The following CDK6 variants were observed in gnomAD, a reference collection of about 807,000 sequenced individuals.
CDK6 encodes cyclin dependent kinase 6.
CDK6 carries 6 observed loss-of-function variants against 37.1 expected under a neutral mutation model. That is an observed-to-expected ratio of 0.16 (90% confidence interval 0.09 to 0.32). The LOEUF (loss-of-function observed/expected upper bound fraction) is 0.32. CDK6 is among the 10% of genes least tolerant of loss of function. The pLI is 1.00. For synonymous variants in CDK6, 160 were observed against 161.3 expected, an observed-to-expected ratio of 0.99 and a Z score of 0.06; for missense variants, 224 against 418.9, an observed-to-expected ratio of 0.53 and a Z score of 4.06.
At chr7:92,645,215 G>A (rs1334913460) in intron 5 of CDK6, among the ~76,000 whole-genome samples, 1 of 152,170 alleles carries the variant, frequency 6.6e-6, no homozygotes, top group Non-Finnish European at 1.5e-5. Flanking sequence ...ACAGCTCCCA[G>A]GCTTTTAGGA....
At chr7:92,693,499 T>C (rs1485281952) in intron 4 of CDK6, among the ~76,000 whole-genome samples, 1 of 152,248 alleles carries the variant, frequency 6.6e-6, no homozygotes, top group Non-Finnish European at 1.5e-5. Flanking sequence ...ATTTATTCAT[T>C]TATGCTTTAA....
chr7:92,659,612 ACACACACACACACACACACACAC>A (rs1350231680), intron 5 of CDK6, among the ~76,000 whole-genome samples: 1 of 148,238 alleles, frequency 6.7e-6, no homozygotes, highest in Non-Finnish European at 1.5e-5. Context: ...GGCATGACAC[ACACACACACACACACACACACAC>A]CACACACACA....
chr7:92,672,242 C>CACAT lies in CDK6; in HGVS notation c.538-708_538-707insATGT, dbSNP rs1374477819. Among the ~76,000 whole-genome samples, 358 of 116,314 alleles carry CACAT rather than the reference C, an allele frequency of 3.1e-3. 4 individuals carry two copies. The highest frequency in any genetic ancestry group is 7.5e-3 in the African/African-American group (174 of 23,050). The allele number at this position is 116,314 out of a possible 152,430, so 76.3% of individuals were successfully genotyped here. A position where few individuals can be genotyped will look rare whatever the true frequency, so the allele number is the denominator to read the frequency against. ...ACACACACACACACACACACACACACATATATGAAGATGGTGCCAGGGCTG... is the reference window on the plus strand; with the variant it reads ...ACACACACACACACACACACACACACACATATATATGAAGATGGTGCCAGGGCTG... On this transcript the variant is annotated intron_variant, in intron 4 of 7. Transcript: ENST00000424848.
chr7:92,765,780 G>C (rs1799565004), intron 3 of CDK6, among the ~76,000 whole-genome samples: 2 of 152,114 alleles, frequency 1.3e-5, no homozygotes, highest in Non-Finnish European at 2.9e-5. Context: ...AAAAATAAAT[G>C]AGATAATTTC....
At chr7:92,718,764 T>C (rs939876601) in intron 4 of CDK6, among the ~76,000 whole-genome samples, 1 of 152,218 alleles carries the variant, frequency 6.6e-6, no homozygotes, top group Non-Finnish European at 1.5e-5. Flanking sequence ...TTGAGCCTTA[T>C]CATATGGCCT....
chr7:92,726,569 C>T (rs1798517417), intron 3 of CDK6, among the ~76,000 whole-genome samples: 1 of 152,050 alleles, frequency 6.6e-6, no homozygotes, highest in Non-Finnish European at 1.5e-5. Context: ...TGCCACCATG[C>T]TAGGCTAATG....
At chr7:92,739,644 G>A (rs965657094) in intron 3 of CDK6, among the ~76,000 whole-genome samples, 8 of 152,210 alleles carry the variant, frequency 5.3e-5, no homozygotes, top group Admixed American at 4.6e-4. Context: ...CATGGCCCTT[G>A]CCAAGTAGTC....
At position 92,608,360 on chromosome 7, in the gene CDK6, A is replaced by T. The variant is rs909605486; in HGVS notation, c.*6780T>A. The T allele has an allele frequency of 9.5e-5, 22 of 231,900 alleles. No homozygotes were observed. The Middle Eastern group carries it at 3.9e-3, about 41-fold the overall frequency. The allele number at this position is 231,900 out of a possible 1,614,324, so 14.4% of individuals were successfully genotyped here. A position where few individuals can be genotyped will look rare whatever the true frequency, so the allele number is the denominator to read the frequency against. On this transcript the variant is annotated 3_prime_UTR_variant, in exon 8 of 8. Coordinates refer to ENST00000424848, the MANE Select transcript of CDK6 (RefSeq NM_001145306.2). Reference sequence around the variant, plus strand: ...TTTGTTTACATACCTTTAATTACCTAACAAAGAAAAAGAGAGAAAAGAAAC... The same window carrying T: ...TTTGTTTACATACCTTTAATTACCTTACAAAGAAAAAGAGAGAAAAGAAAC...
intron 3 of CDK6, among the ~76,000 whole-genome samples, chr7:92,740,767 C>T (rs540829870): frequency 3.9e-5 from 6 of 152,216 alleles, no homozygotes; most frequent in African/African-American, 4.8e-5. Flanking sequence ...TCTCATGGAG[C>T]GAACAGTGAA....
chr7:92,740,788 C>T (rs897902941), intron 3 of CDK6, among the ~76,000 whole-genome samples: 3 of 152,056 alleles, frequency 2.0e-5, no homozygotes, highest in Non-Finnish European at 1.5e-5. Context: ...GGCGGGAAAC[C>T]GAATTTGAGA....
At chr7:92,832,659 G>A (rs576187162) in intron 2 of CDK6, among the ~76,000 whole-genome samples, 6 of 152,202 alleles carry the variant, frequency 3.9e-5, no homozygotes, top group South Asian at 2.1e-4. Flanking sequence ...TTATCACACG[G>A]CATCCTCATT....
intron 4 of CDK6, among the ~76,000 whole-genome samples, chr7:92,700,266 T>TATGTC (rs1751935799): frequency 6.6e-6 from 1 of 152,190 alleles, no homozygotes; most frequent in Non-Finnish European, 1.5e-5. Context: ...GCAGGGCGTG[T>TATGTC]ATGTCAGATA....
rs1232157384 is a variant in CDK6 at position 92,607,992 on chromosome 7, T to C, written c.*7148A>G. 1 of 233,322 alleles carries C rather than the reference T, an allele frequency of 4.3e-6. No individual in the cohort carries two copies. The highest frequency in any genetic ancestry group is 2.2e-5 in the African/African-American group (1 of 45,342). 14.5% of individuals were successfully genotyped at this position (233,322 alleles called of 1,614,324 possible). Reference sequence around the variant, plus strand: ...TGAGAGTTGTTGGTGATCACAGAAATATTGCTAGCTGATACATATTATTGC... The same window carrying C: ...TGAGAGTTGTTGGTGATCACAGAAACATTGCTAGCTGATACATATTATTGC... On this transcript the variant is annotated 3_prime_UTR_variant, in exon 8 of 8. Transcript: ENST00000424848.
intron 3 of CDK6, among the ~76,000 whole-genome samples, chr7:92,765,599 T>C (rs1799559723): frequency 6.6e-6 from 1 of 152,196 alleles, no homozygotes; most frequent in East Asian, 1.9e-4. Context: ...GTGGTATTGA[T>C]GCATACATTT....
At position 92,685,415 on chromosome 7, in the gene CDK6, C is replaced by A. The variant is rs189576503; in HGVS notation, c.538-13880G>T. 2.6e-4 allele frequency among the ~76,000 whole-genome samples: 39 copies of A among 152,218 alleles called. No individual in the cohort carries two copies. In the East Asian group the frequency reaches 6.0e-3, roughly 23 times the overall value. On this transcript the variant is annotated intron_variant, in intron 4 of 7. Transcript: ENST00000424848. ...AAACACTACTTGAAAGGAAAAGTAACCCTCTGAGTTTGAGTAAAACTTGGC... is the reference window on the plus strand; with the variant it reads ...AAACACTACTTGAAAGGAAAAGTAAACCTCTGAGTTTGAGTAAAACTTGGC...
intron 2 of CDK6, among the ~76,000 whole-genome samples, chr7:92,790,724 T>C (rs1045084829): frequency 2.6e-5 from 4 of 152,146 alleles, no homozygotes; most frequent in African/African-American, 9.7e-5. Context: ...CTGTCTCTTA[T>C]GTATATACCT....
chr7:92,659,207 G>C (rs138157820), intron 5 of CDK6, among the ~76,000 whole-genome samples: 188 of 152,262 alleles, frequency 1.2e-3, no homozygotes, highest in Non-Finnish European at 2.0e-3. Context: ...TGATGACTTA[G>C]ACCTGCATTG....
chr7:92,650,430 T>G (rs529508401), intron 5 of CDK6, among the ~76,000 whole-genome samples: 74 of 152,304 alleles, frequency 4.9e-4, no homozygotes, highest in African/African-American at 1.7e-3. Flanking sequence ...TGTTTTTTTT[T>G]GTTGTTGCTG....
chr7:92,730,446 A>C (rs958937922), intron 3 of CDK6, among the ~76,000 whole-genome samples: 15 of 152,192 alleles, frequency 9.9e-5, no homozygotes, highest in Non-Finnish European at 2.9e-5. Context: ...ACCAATAAGA[A>C]CATGTTGAAT....
Sources: gnomAD v4.1 joint callset for allele counts (sites outside exome capture counted in the v4.1 genomes callset) on GRCh38, gnomAD v4.1.1 for gene constraint, MANE v1.5 for transcripts, NCBI Gene and HGNC (gene_info 2026-07-23, HGNC 2026-07-21) for gene names.